Variants in WDR72 observed in about 807,000 individuals in gnomAD.
WDR72 encodes WD repeat domain 72, also known as WD repeat-containing protein 72.
WDR72 carries 120 observed loss-of-function variants against 124.2 expected under a neutral mutation model. That is an observed-to-expected ratio of 0.97 (90% CI 0.83 to 1.12). WDR72 has a LOEUF of 1.12. WDR72 is among the 50% of genes most tolerant of loss of function. The pLI, the probability that WDR72 is intolerant of heterozygous loss-of-function variation, is 0.00. For synonymous variants in WDR72, 452 were observed against 441.7 expected (o/e 1.02, Z -0.29); for missense variants, 1,387 against 1,278.8 (o/e 1.08, Z -1.29).
intron 18 of WDR72, among the ~76,000 whole-genome samples, chr15:53,539,528 AAG>A (rs1409665532): frequency 6.6e-6 from 1 of 152,072 alleles, no homozygotes; most frequent in Non-Finnish European, 1.5e-5. Context: ...TAGATGCTGG[AAG>A]AGAGAAAGTA....
chr15:53,585,016 C>T (rs1364873119), intron 18 of WDR72, among the ~76,000 whole-genome samples: 3 of 151,910 alleles, frequency 2.0e-5, no homozygotes, highest in African/African-American at 7.2e-5. Flanking sequence ...TCTCATTCAC[C>T]TCCCCTAAAA....
rs187066434 is a variant in WDR72 at position 53,635,252 on chromosome 15, A to G, written c.1963-19009T>C. Among the ~76,000 whole-genome samples the G allele has an allele frequency of 5.0e-3, 760 of 152,312 alleles. 5 individuals carry two copies. The highest frequency in any genetic ancestry group is 0.024 in the Middle Eastern group (7 of 294). On this transcript the variant is annotated intron_variant, in intron 14 of 19. Transcript: ENST00000360509. ...GTAGCTCTGATGCCATTTTAACTGA[A>G]AAAAGACAAACGTAGGTAGAGAACT...
At chr15:53,632,538 A>C (rs1191432024) in intron 14 of WDR72, among the ~76,000 whole-genome samples, 1 of 152,096 alleles carries the variant, frequency 6.6e-6, no homozygotes, top group East Asian at 1.9e-4. Context: ...TAGTGGAGCT[A>C]TGAGAAGAGG....
chr15:53,722,349 T>C (rs2017900820), intron 3 of WDR72, among the ~76,000 whole-genome samples: 1 of 152,180 alleles, frequency 6.6e-6, no homozygotes, highest in South Asian at 2.1e-4. Context: ...AGTTTTATAG[T>C]AGCATCAGAC....
In WDR72 at chr15:53,585,317, A is replaced by T. The variant is rs185065121; in HGVS notation, c.3148+11762T>A. ...GAAGCGCAAGCAGGGGAAATGCCAG[A>T]TGCTTACAAAACCATCAGATCTCAT... On this transcript the variant is annotated intron_variant, in intron 18 of 19. Transcript: ENST00000360509. 2.6e-3 allele frequency among the ~76,000 whole-genome samples: 395 copies of T among 152,082 alleles called. 3 individuals carry two copies. The highest frequency in any genetic ancestry group is 4.3e-4 in the Non-Finnish European group (29 of 67,934).
chr15:53,597,412 A>T, intron 17 of WDR72, 138 bp from the exon 18 acceptor site: 8 of 814,654 alleles, frequency 9.8e-6, no homozygotes, highest in Non-Finnish European at 1.5e-5. Context: ...TAGAATTAGC[A>T]TCCACAACAA....
chr15:53,555,212 T>A (rs1254861629), intron 18 of WDR72, among the ~76,000 whole-genome samples: 7 of 148,462 alleles, frequency 4.7e-5, no homozygotes, highest in Non-Finnish European at 3.0e-5. Context: ...CCATTTAAGA[T>A]AAAAAAAAAA....
At chr15:53,627,792 TA>T (rs1333046089) in intron 14 of WDR72, among the ~76,000 whole-genome samples, 2 of 152,190 alleles carry the variant, frequency 1.3e-5, no homozygotes, top group Non-Finnish European at 2.9e-5. Context: ...TATAGTCATT[TA>T]AAAAATTAGT....
chr15:53,751,890 A>G (rs2018783537), intron 1 of WDR72, among the ~76,000 whole-genome samples: 1 of 152,180 alleles, frequency 6.6e-6, no homozygotes, highest in Non-Finnish European at 1.5e-5. Flanking sequence ...TAAAATGAGG[A>G]TAAATAATAA....
At chr15:53,646,845 G>A (rs10518732) in intron 14 of WDR72, among the ~76,000 whole-genome samples, 1 of 151,860 alleles carries the variant, frequency 6.6e-6, no homozygotes. Context: ...TGGCCAAATA[G>A]GTGTAATAAA....
At chr15:53,716,824 G>A in intron 3 of WDR72, 139 bp from the exon 4 acceptor site, 1 of 700,924 alleles carries the variant, frequency 1.4e-6, no homozygotes, top group Non-Finnish European at 2.6e-6. Context: ...AGAAAATGTT[G>A]TGGTCATTAG....
At chr15:53,686,851 A>C (rs918083648) in intron 13 of WDR72, among the ~76,000 whole-genome samples, 1 of 151,762 alleles carries the variant, frequency 6.6e-6, no homozygotes, top group Non-Finnish European at 1.5e-5. Context: ...CAGAAATTAT[A>C]ACAAACTGTC....
chr15:53,656,299 G>T (rs689800), intron 14 of WDR72, among the ~76,000 whole-genome samples: 9,178 of 152,232 alleles, frequency 0.06, 947 homozygotes, highest in African/African-American at 0.21. Context: ...CAGAGAACTG[G>T]TGGTGCCTTC....
chr15:53,547,912 G>A (rs1893551472), intron 18 of WDR72, among the ~76,000 whole-genome samples: 1 of 152,006 alleles, frequency 6.6e-6, no homozygotes, highest in Non-Finnish European at 1.5e-5. Flanking sequence ...GTGCTCTCAT[G>A]GTAGCAGTAA....
intron 13 of WDR72, among the ~76,000 whole-genome samples, chr15:53,698,945 C>G (rs568105588): frequency 6.6e-6 from 1 of 152,162 alleles, no homozygotes; most frequent in African/African-American, 2.4e-5. Context: ...CACTAGTACA[C>G]TAGTCATCAT....
chr15:53,676,244 G>A (rs979863986), intron 13 of WDR72, among the ~76,000 whole-genome samples: 2 of 152,146 alleles, frequency 1.3e-5, no homozygotes, highest in South Asian at 2.1e-4. Context: ...CCCAATGACA[G>A]TCATCCTTAT....
chr15:53,627,072 T>G (rs1174153363), intron 14 of WDR72, among the ~76,000 whole-genome samples: 1 of 152,004 alleles, frequency 6.6e-6, no homozygotes, highest in East Asian at 1.9e-4. Context: ...CTCCTCACAC[T>G]AAGGAAAAAT....
At chr15:53,718,232 G>C (rs1429182906) in intron 3 of WDR72, among the ~76,000 whole-genome samples, 1 of 134,228 alleles carries the variant, frequency 7.5e-6, no homozygotes, top group Non-Finnish European at 1.5e-5. Flanking sequence ...CACCTGGTCA[G>C]TCGACTTGTT....
At chr15:53,676,868 T>G (rs554622) in intron 13 of WDR72, among the ~76,000 whole-genome samples, 14,465 of 152,030 alleles carry the variant, frequency 0.095, 1,844 homozygotes, top group African/African-American at 0.29. Context: ...CAGAACAACA[T>G]ATTTAGATTT....
Sources: gnomAD v4.1 joint callset for allele counts (sites outside exome capture counted in the v4.1 genomes callset) on GRCh38, gnomAD v4.1.1 for gene constraint, MANE v1.5 for transcripts, NCBI Gene and HGNC (gene_info 2026-07-23, HGNC 2026-07-21) for gene names.